The following TNRC18 variants were observed in gnomAD, a reference collection of about 807,000 sequenced individuals.
The protein encoded by TNRC18 is trinucleotide repeat-containing gene 18 protein.
Under a neutral mutation model 226.7 loss-of-function variants are expected in TNRC18, and 69 were observed. That is an observed-to-expected ratio of 0.30 (90% CI 0.25 to 0.37). The LOEUF is 0.37. Ranked by LOEUF, TNRC18 falls within the 10% of genes least tolerant of loss-of-function variation. The pLI is 1.00. For missense variants in TNRC18, 4,754 were observed against 4,256.6 expected (o/e 1.12, Z -3.25); for synonymous variants, 2,449 against 1,927.6 (o/e 1.27, Z -7.09).
At chr7:5,380,859 GT>G (rs1447712523) in intron 5 of TNRC18, among the ~76,000 whole-genome samples, 3 of 152,160 alleles carry the variant, frequency 2.0e-5, no homozygotes. Flanking sequence ...GGAGACAGCC[GT>G]CCCAGCTTAC....
Position 5,416,909 on chromosome 7 carries a change from G to A in TNRC18, c.187+4151C>T, listed in dbSNP as rs1376433872. On this transcript the variant is annotated intron_variant, in intron 2 of 29. Transcript: ENST00000430969. ...AAGATGCCAAGGCAGGAGGAGCCCA[G>A]GAGTTTGAGGCTGCAATGAGCTATA... 2.0e-5 allele frequency among the ~76,000 whole-genome samples: 3 copies of A among 150,414 alleles called. No homozygotes were observed. The East Asian group carries it at 5.9e-4, about 30-fold the overall frequency.
chr7:5,355,855 G>C (rs1792312524), intron 16 of TNRC18, among the ~76,000 whole-genome samples: 1 of 151,726 alleles, frequency 6.6e-6, no homozygotes, highest in Admixed American at 6.6e-5. Flanking sequence ...TCCAGCCTAA[G>C]CAATAAGAAG....
At chr7:5,314,724 C>G (rs2128106747) in intron 26 of TNRC18, among the ~76,000 whole-genome samples, 1 of 152,230 alleles carries the variant, frequency 6.6e-6, no homozygotes, top group East Asian at 1.9e-4. Flanking sequence ...AGGCACTCAC[C>G]ACCATGCCCA....
chr7:5,309,512 G>A lies in TNRC18; in HGVS notation c.8389-144C>T. ...CTGTGGGGAGATGAGGAAGCTCCTT[G>A]TCTCGCTTCAAGTGGGGAAGCCCCT... On this transcript the variant is annotated intron_variant, in intron 27 of 29. Coordinates refer to ENST00000430969, the MANE Select transcript of TNRC18 (RefSeq NM_001080495.3). The surrounding 1 kb of genome is among the most constrained non-coding windows in gnomAD (Gnocchi z 5.7). 4.3e-6 allele frequency: 3 copies of A among 694,564 alleles called. No homozygotes were observed. The highest frequency in any genetic ancestry group is 7.2e-6 in the Non-Finnish European group (3 of 418,926). The allele number at this position is 694,564 out of a possible 1,614,324, so 43.0% of individuals were successfully genotyped here. A position where few individuals can be genotyped will look rare whatever the true frequency, so the allele number is the denominator to read the frequency against.
chr7:5,356,918 TAAG>T lies in TNRC18; in HGVS notation c.5189_5191del (p.Ser1730del). The T allele has an allele frequency of 5.2e-6, 8 of 1,542,128 alleles. No homozygotes were observed. Among genetic ancestry groups the T allele is most frequent in the Non-Finnish European group, 7.0e-6 (8 of 1,142,200 alleles). On this transcript the variant is annotated inframe_deletion, in exon 16 of 30. Transcript: ENST00000430969. ...GTGGCGCGGCATACGCTACTTACTG[TAAG>T]AGTAGCTGCTCACTTCCGAGGCAAA...
At chr7:5,418,917 C>G (rs545559149) in intron 2 of TNRC18, among the ~76,000 whole-genome samples, 1 of 152,186 alleles carries the variant, frequency 6.6e-6, no homozygotes, top group Admixed American at 6.5e-5. Context: ...GGTCTCCTTG[C>G]GGCTACTCGA....
At chr7:5,379,925 G>A (rs550059444) in intron 5 of TNRC18, among the ~76,000 whole-genome samples, 1 of 152,336 alleles carries the variant, frequency 6.6e-6, no homozygotes, top group Non-Finnish European at 1.5e-5. Context: ...CCGGCCATCA[G>A]CCACCCCCAA....
At chr7:5,316,731 C>T (rs1316213291) in intron 24 of TNRC18, among the ~76,000 whole-genome samples, 3 of 152,176 alleles carry the variant, frequency 2.0e-5, no homozygotes, top group Admixed American at 6.5e-5. Flanking sequence ...AAGGGGAGGG[C>T]GGCAGTGGGA....
chr7:5,346,777 C>T (rs1177097515), intron 17 of TNRC18, among the ~76,000 whole-genome samples: 1 of 152,254 alleles, frequency 6.6e-6, no homozygotes, highest in African/African-American at 2.4e-5. Flanking sequence ...CCCTCCCAGC[C>T]CACTGGCTCA....
chr7:5,382,162 A>G (rs1353779818), intron 5 of TNRC18, among the ~76,000 whole-genome samples: 1 of 152,142 alleles, frequency 6.6e-6, no homozygotes, highest in Non-Finnish European at 1.5e-5. Context: ...ACAGGGAGAT[A>G]AAGAAACATG....
chr7:5,365,633 T>C (rs1793536054), intron 11 of TNRC18, among the ~76,000 whole-genome samples: 1 of 152,060 alleles, frequency 6.6e-6, no homozygotes, highest in African/African-American at 2.4e-5. Context: ...TTCATTTTTT[T>C]AATGCACATG....
chr7:5,418,263 G>A (rs1193218067), intron 2 of TNRC18, among the ~76,000 whole-genome samples: 1 of 152,208 alleles, frequency 6.6e-6, no homozygotes, highest in African/African-American at 2.4e-5. Context: ...TGTTCACAAT[G>A]TAGCAAGGCT....
intron 18 of TNRC18, among the ~76,000 whole-genome samples, chr7:5,335,804 T>C (rs904248390): frequency 3.6e-5 from 5 of 136,990 alleles, no homozygotes; most frequent in Non-Finnish European, 7.6e-5. Context: ...CAAGGAAATA[T>C]CTGCTAAAAC....
In TNRC18 at chr7:5,370,825, C is replaced by T. The variant is rs1160240053; in HGVS notation, c.3769G>A (p.Ala1257Thr). 1 of 1,609,294 alleles carries T rather than the reference C, an allele frequency of 6.2e-7. No homozygotes were observed. Among genetic ancestry groups the T allele is most frequent in the Non-Finnish European group, 8.5e-7 (1 of 1,179,370 alleles). Residue 1257 changes from alanine (A) to threonine (T), a missense_variant, in exon 11 of 30, where the codon GCC (alanine) becomes ACC (threonine). Physicochemically the swap from Ala to Thr is moderately conservative, Grantham distance 58. Coordinates refer to ENST00000430969, the MANE Select transcript of TNRC18 (RefSeq NM_001080495.3). ...VQLTPETLVE[A>T]KEEPVEVPVA... The stretch of plus-strand genomic sequence containing the variant: ...GGCACCTCCACCGGCTCCTCCTTGG[C>T]CTCCACCAGTGTCTCGGGTGTCAGC...
Position 5,370,702 on chromosome 7 carries a change from C to T in TNRC18, c.3892G>A (p.Val1298Met), listed in dbSNP as rs778234717. ...QPTLEMSDCD[V>M]PAGEGQCPSL... ...GGGCACTGTCCCTCCCCGGCGGGCACGTCACAGTCTGACATTTCTAGGGTG... is the reference window on the plus strand; with the variant it reads ...GGGCACTGTCCCTCCCCGGCGGGCATGTCACAGTCTGACATTTCTAGGGTG... Residue 1298 changes from valine to methionine, a missense_variant, in exon 11 of 30, where the codon GTG becomes ATG. Val to Met is a conservative substitution (Grantham distance 21). Transcript: ENST00000430969. The T allele has an allele frequency of 5.0e-6, 8 of 1,610,434 alleles. No homozygotes were observed. Among genetic ancestry groups the T allele is most frequent in the African/African-American group, 2.7e-5 (2 of 74,870 alleles).
intron 18 of TNRC18, among the ~76,000 whole-genome samples, chr7:5,333,279 C>A (rs1297094693): frequency 6.6e-6 from 1 of 152,240 alleles, no homozygotes; most frequent in African/African-American, 2.4e-5. Context: ...TGCTCCCAGC[C>A]CCTTGCCCCA....
chr7:5,316,594 T>C (rs557467735), intron 24 of TNRC18, among the ~76,000 whole-genome samples: 7 of 152,088 alleles, frequency 4.6e-5, no homozygotes, highest in Non-Finnish European at 1.0e-4. Flanking sequence ...CTCCCATTTC[T>C]AGCTGACTTT....
rs756023658 is a variant in TNRC18 at position 5,357,108 on chromosome 7, G to A, written c.5002C>T (p.Pro1668Ser). ...TTCTTCCCCAGCAGGCTGTCGTAAG[G>A]AGTCAAGTACCTGCCGCAGCCCCCG... Reference protein sequence around the residue: ...TSGGCGRYLTPYDSLLGKNRK... With the variant: ...TSGGCGRYLTSYDSLLGKNRK... Residue 1668 changes from proline to serine, a missense_variant, in exon 16 of 30, where the codon CCT (proline) becomes TCT (serine). By Grantham distance (74) the Pro-to-Ser change is moderately conservative. Transcript: ENST00000430969. 2.6e-6 allele frequency: 4 copies of A among 1,552,840 alleles called. No homozygotes were observed. The highest frequency in any genetic ancestry group is 4.9e-5 in the East Asian group (2 of 41,040).
intron 17 of TNRC18, among the ~76,000 whole-genome samples, chr7:5,346,017 C>A (rs1422619868): frequency 6.6e-6 from 1 of 152,226 alleles, no homozygotes; most frequent in Non-Finnish European, 1.5e-5. Context: ...CCAACGCGGG[C>A]ATCCCAGAAA....
Sources: allele counts gnomAD v4.1 joint callset (sites outside exome capture counted in the v4.1 genomes callset), GRCh38; gene constraint gnomAD v4.1.1; non-coding constraint Gnocchi (gnomAD v3.1); transcripts MANE v1.5; gene names NCBI Gene and HGNC (gene_info 2026-07-23, HGNC 2026-07-21).